The following DLGAP2 variants were observed in gnomAD, a reference collection of about 807,000 sequenced individuals.
DLGAP2 encodes DLG associated protein 2.
A neutral mutation model predicts 100.3 loss-of-function variants in DLGAP2; 26 were observed. The observed-to-expected ratio is 0.26, with a 90% confidence interval of 0.19 to 0.36. The LOEUF (loss-of-function observed/expected upper bound fraction) is 0.36. Among genes scored for constraint, DLGAP2 ranks in the 10% least tolerant of loss-of-function variants. The pLI, the probability that DLGAP2 is intolerant of heterozygous loss-of-function variation, is 1.00. For missense variants in DLGAP2, 1,858 were observed against 1,453.2 expected (o/e 1.28, Z -4.53); for synonymous variants, 886 against 630.1 (o/e 1.41, Z -6.08).
intron 1 of DLGAP2, among the ~76,000 whole-genome samples, chr8:830,984 C>A (rs1034410497): frequency 6.6e-6 from 1 of 151,524 alleles, no homozygotes; most frequent in African/African-American, 2.4e-5. Context: ...CAACCTTTGC[C>A]TCCCGAGTTC....
Position 802,241 on chromosome 8 carries a change from G to A in DLGAP2, c.18+64416G>A, listed in dbSNP as rs113198107. On this transcript the variant is annotated intron_variant, in intron 1 of 14. Coordinates refer to ENST00000637795, the MANE Select transcript of DLGAP2 (RefSeq NM_001346810.2). ...ATCCTCATGGCCTGGGGAATGGTCT[G>A]CACTCCTCCTGGGCCCTCCGTCCTC... 8.4e-3 allele frequency among the ~76,000 whole-genome samples: 1,118 copies of A among 132,342 alleles called. 26 individuals carry two copies. The highest frequency in any genetic ancestry group is 0.032 in the African/African-American group (1,053 of 32,484). 86.8% of individuals were successfully genotyped at this position (132,342 alleles called of 152,430 possible).
chr8:1,131,960 G>C lies in DLGAP2; in HGVS notation c.74-126891G>C, dbSNP rs186911439. Among the ~76,000 whole-genome samples, 15 of 152,288 alleles carry C rather than the reference G, an allele frequency of 9.8e-5. No homozygotes were observed. The East Asian group carries it at 2.7e-3, about 27-fold the overall frequency. ...ATAAGTGTGACTGTTATGAATTAGA[G>C]AGGATCGATGGTGTCTTAAGCTTGA... On this transcript the variant is annotated intron_variant, in intron 2 of 14. Coordinates refer to ENST00000637795, the MANE Select transcript of DLGAP2 (RefSeq NM_001346810.2).
chr8:1,509,483 CA>C (rs1396404700), intron 4 of DLGAP2, among the ~76,000 whole-genome samples: 2 of 151,800 alleles, frequency 1.3e-5, no homozygotes, highest in Non-Finnish European at 2.9e-5. Context: ...GAATATAATC[CA>C]AAAAGTTTGA....
At chr8:1,652,260 C>A (rs145920914) in intron 8 of DLGAP2, among the ~76,000 whole-genome samples, 1 of 152,090 alleles carries the variant, frequency 6.6e-6, no homozygotes, top group Non-Finnish European at 1.5e-5. Flanking sequence ...GTGTGTGAGC[C>A]CACCACGTTC....
chr8:1,667,664 G>A lies in DLGAP2; in HGVS notation c.1811-665G>A, dbSNP rs73672915. On this transcript the variant is annotated intron_variant, in intron 8 of 14. Coordinates refer to ENST00000637795, the MANE Select transcript of DLGAP2 (RefSeq NM_001346810.2). ...TCAACAGCCGCGATTAACATCTTCA[G>A]GTGCTGGTGACCTCTTCTCACACAC... Among the ~76,000 whole-genome samples, 609 of 152,328 alleles carry A rather than the reference G, an allele frequency of 4.0e-3. 4 individuals carry two copies. The highest frequency in any genetic ancestry group is 0.014 in the African/African-American group (586 of 41,570).
At chr8:1,233,071 C>T (rs6993475) in intron 2 of DLGAP2, among the ~76,000 whole-genome samples, 8,682 of 152,256 alleles carry the variant, frequency 0.057, 522 homozygotes, top group African/African-American at 0.15. Flanking sequence ...CTTAGCACCA[C>T]GTGTTCAAGT....
At chr8:849,436 G>A (rs181742230) in intron 1 of DLGAP2, among the ~76,000 whole-genome samples, 2 of 152,360 alleles carry the variant, frequency 1.3e-5, no homozygotes, top group Admixed American at 1.3e-4. Context: ...TGGAAATTGG[G>A]TTCATATTTC....
At chr8:1,162,185 G>A (rs570452278) in intron 2 of DLGAP2, among the ~76,000 whole-genome samples, 6 of 152,342 alleles carry the variant, frequency 3.9e-5, no homozygotes, top group African/African-American at 9.6e-5. Flanking sequence ...TGCAGAACTC[G>A]GAGGCGAGGG....
chr8:1,281,838 G>A lies in DLGAP2; in HGVS notation c.106+22955G>A, dbSNP rs190449146. ...CTTTGATCTGCAACGTTTGATTTGC[G>A]ACGTGGCTCCACCACACTGGGCTTT... On this transcript the variant is annotated intron_variant, in intron 3 of 14. Coordinates refer to ENST00000637795, the MANE Select transcript of DLGAP2 (RefSeq NM_001346810.2). 1.9e-3 allele frequency among the ~76,000 whole-genome samples: 293 copies of A among 152,296 alleles called. 1 individual carries two copies. The highest frequency in any genetic ancestry group is 2.7e-3 in the Non-Finnish European group (186 of 68,018).
intron 4 of DLGAP2, among the ~76,000 whole-genome samples, chr8:1,507,269 A>G (rs1799956030): frequency 6.6e-6 from 1 of 152,206 alleles, no homozygotes; most frequent in African/African-American, 2.4e-5. Context: ...AGGCTCAGGC[A>G]TGGCGGGCTG....
At chr8:1,342,350 A>C (rs1007139152) in intron 3 of DLGAP2, among the ~76,000 whole-genome samples, 2 of 152,158 alleles carry the variant, frequency 1.3e-5, no homozygotes, top group African/African-American at 4.8e-5. Context: ...TGGGTCCCAC[A>C]GATGATGCGT....
intron 2 of DLGAP2, among the ~76,000 whole-genome samples, chr8:1,092,121 C>G (rs1056176471): frequency 2.6e-5 from 4 of 152,210 alleles, no homozygotes; most frequent in African/African-American, 9.6e-5. Context: ...CGGCCGGTGT[C>G]TGCCCCTTCA....
At chr8:1,566,493 A>AGT in intron 6 of DLGAP2, among the ~76,000 whole-genome samples, 1 of 152,364 alleles carries the variant, frequency 6.6e-6, no homozygotes, top group Middle Eastern at 3.4e-3. Context: ...TACTGTCAAC[A>AGT]GCCACGCTGC....
chr8:750,187 T>G (rs940690089), intron 1 of DLGAP2, among the ~76,000 whole-genome samples: 2 of 152,250 alleles, frequency 1.3e-5, no homozygotes, highest in African/African-American at 2.4e-5. Flanking sequence ...TTCCTGAGTC[T>G]GGAGGCCGTT....
intron 8 of DLGAP2, among the ~76,000 whole-genome samples, chr8:1,636,811 A>C (rs145412919): frequency 3.0e-4 from 46 of 152,360 alleles, no homozygotes; most frequent in African/African-American, 9.4e-4. Flanking sequence ...ATATTTTAAA[A>C]CTTGAATTTG....
chr8:768,036 G>A (rs1323014568), intron 1 of DLGAP2, among the ~76,000 whole-genome samples: 1 of 152,218 alleles, frequency 6.6e-6, no homozygotes, highest in Non-Finnish European at 1.5e-5. Flanking sequence ...AGTGAAGGAA[G>A]ATGTGCATTC....
chr8:1,033,652 G>GCTCT (rs1802035914), intron 2 of DLGAP2, among the ~76,000 whole-genome samples: 1 of 152,194 alleles, frequency 6.6e-6, no homozygotes, highest in South Asian at 2.1e-4. Flanking sequence ...GGGTGACAGA[G>GCTCT]GGAGACCGTG....
chr8:1,220,818 G>A (rs1798300935), intron 2 of DLGAP2, among the ~76,000 whole-genome samples: 1 of 152,046 alleles, frequency 6.6e-6, no homozygotes, highest in Non-Finnish European at 1.5e-5. Context: ...GTTTTGTTAA[G>A]CCTTCTTGTT....
chr8:1,430,013 T>TATATATATATATATATATATACAC (rs1170347980), intron 3 of DLGAP2, among the ~76,000 whole-genome samples: 1 of 76,080 alleles, frequency 1.3e-5, no homozygotes, highest in Non-Finnish European at 2.8e-5. Context: ...TATACATATA[T>TATATATATATATATATATATACAC]ATATATATAT....
Sources: allele counts gnomAD v4.1 joint callset (sites outside exome capture counted in the v4.1 genomes callset), GRCh38; gene constraint gnomAD v4.1.1; transcripts MANE v1.5; gene names NCBI Gene and HGNC (gene_info 2026-07-23, HGNC 2026-07-21).